CNTNAP5: variants seen among roughly 807,000 people sequenced by gnomAD.
CNTNAP5 encodes contactin associated protein family member 5, also known as contactin-associated protein-like 5.
In CNTNAP5, 72 loss-of-function variants were observed where a neutral mutation model predicts 150.2. That is an observed-to-expected ratio of 0.48 (90% confidence interval 0.40 to 0.58). The LOEUF is 0.58. Ranked by LOEUF, CNTNAP5 falls within the 20% of genes least tolerant of loss-of-function variation. CNTNAP5 has a pLI of 0.00. For synonymous variants in CNTNAP5, 672 were observed against 619.8 expected, an observed-to-expected ratio of 1.08 and a Z score of -1.25; for missense variants, 1,636 against 1,626.2, an observed-to-expected ratio of 1.01 and a Z score of -0.10.
At chr2:124,031,140 T>C (rs199585078) in intron 1 of CNTNAP5, among the ~76,000 whole-genome samples, 4 of 150,226 alleles carry the variant, frequency 2.7e-5, no homozygotes, top group Non-Finnish European at 4.5e-5. Context: ...CCGCTATACA[T>C]ACACACACAC....
chr2:124,214,630 G>A (rs75836081), intron 1 of CNTNAP5, among the ~76,000 whole-genome samples: 1,933 of 152,332 alleles, frequency 0.013, 33 homozygotes, highest in Middle Eastern at 0.031. Context: ...CACATTACTA[G>A]TGCAGGCAGA....
intron 3 of CNTNAP5, among the ~76,000 whole-genome samples, chr2:124,270,790 C>T (rs1232092418): frequency 6.6e-6 from 1 of 152,056 alleles, no homozygotes; most frequent in African/African-American, 2.4e-5. Context: ...AATCACATTC[C>T]AAAATACATG....
At chr2:124,411,180 G>C (rs372931326) in intron 3 of CNTNAP5, among the ~76,000 whole-genome samples, 1 of 152,280 alleles carries the variant, frequency 6.6e-6, no homozygotes, top group Non-Finnish European at 1.5e-5. Context: ...TCTAAACCAG[G>C]AAGAAGTTGA....
chr2:124,596,996 A>C, intron 11 of CNTNAP5, among the ~76,000 whole-genome samples: 1 of 18,130 alleles, frequency 5.5e-5, no homozygotes, highest in Non-Finnish European at 5.1e-3. Context: ...TGCTTGGTAG[A>C]TCTTCCTCCA....
chr2:124,255,623 A>T (rs779997), intron 3 of CNTNAP5, among the ~76,000 whole-genome samples: 49,488 of 149,954 alleles, frequency 0.33, 8,745 homozygotes, highest in Admixed American at 0.41. Context: ...AGCAATGGGA[A>T]TAAGGGATCA....
At chr2:124,254,655 A>G (rs1687264608) in intron 3 of CNTNAP5, among the ~76,000 whole-genome samples, 1 of 152,206 alleles carries the variant, frequency 6.6e-6, no homozygotes, top group African/African-American at 2.4e-5. Context: ...TCATTTGAGC[A>G]TGGCTTTAGA....
chr2:124,176,245 G>A (rs557168818), intron 1 of CNTNAP5, among the ~76,000 whole-genome samples: 1 of 152,304 alleles, frequency 6.6e-6, no homozygotes, highest in South Asian at 2.1e-4. Flanking sequence ...AGTAAGAGGA[G>A]ACAATACCAC....
intron 3 of CNTNAP5, among the ~76,000 whole-genome samples, chr2:124,321,488 G>C (rs1689098591): frequency 6.6e-6 from 1 of 151,406 alleles, no homozygotes; most frequent in Non-Finnish European, 1.5e-5. Flanking sequence ...AAAAGGATTA[G>C]AATTTCTTTT....
chr2:124,739,479 T>A (rs1486386869), intron 13 of CNTNAP5, among the ~76,000 whole-genome samples: 1 of 152,182 alleles, frequency 6.6e-6, no homozygotes, highest in South Asian at 2.1e-4. Context: ...ATGGTGTGTG[T>A]TTTGTTCATA....
chr2:124,609,003 T>C (rs1368966100), intron 11 of CNTNAP5, among the ~76,000 whole-genome samples: 1 of 151,868 alleles, frequency 6.6e-6, no homozygotes, highest in African/African-American at 2.4e-5. Context: ...ATGTAAGCAG[T>C]AATTTTTTTA....
intron 13 of CNTNAP5, among the ~76,000 whole-genome samples, chr2:124,716,641 A>G (rs1679950906): frequency 6.6e-6 from 1 of 152,160 alleles, no homozygotes; most frequent in Non-Finnish European, 1.5e-5. Flanking sequence ...CTTAACAACA[A>G]CCAAACACCT....
rs192925907 is a variant in CNTNAP5, at chr2:124,182,214, G to A, written c.83-39491G>A. Among the ~76,000 whole-genome samples, 60 of 152,126 alleles carry A rather than the reference G, an allele frequency of 3.9e-4. No homozygotes were observed. In the South Asian group the frequency reaches 0.011, roughly 27 times the overall value. On this transcript the variant is annotated intron_variant, in intron 1 of 23. Coordinates refer to ENST00000682447, the MANE Select transcript of CNTNAP5 (RefSeq NM_001367498.1). ...GTGACAGAAAACTATATATGTGTCC[G>A]TTCCTTATTTATCCTTCATATGAAT...
intron 11 of CNTNAP5, among the ~76,000 whole-genome samples, chr2:124,587,133 A>C (rs1206263612): frequency 1.3e-5 from 2 of 152,184 alleles, no homozygotes; most frequent in Non-Finnish European, 2.9e-5. Flanking sequence ...CTCAAGTTGT[A>C]ACTATAGTAT....
At chr2:124,869,406 G>A (rs940322012) in intron 20 of CNTNAP5, among the ~76,000 whole-genome samples, 1 of 152,068 alleles carries the variant, frequency 6.6e-6, no homozygotes, top group Non-Finnish European at 1.5e-5. Context: ...AATCTCTGTG[G>A]GGAGATAAAT....
intron 3 of CNTNAP5, among the ~76,000 whole-genome samples, chr2:124,339,948 A>T (rs1412387230): frequency 2.0e-5 from 3 of 149,528 alleles, no homozygotes; most frequent in South Asian, 2.1e-4. Context: ...AAAACATCTT[A>T]AAAAAAAAAC....
chr2:124,504,985 C>T (rs1195268094), intron 8 of CNTNAP5, among the ~76,000 whole-genome samples: 2 of 152,096 alleles, frequency 1.3e-5, no homozygotes, highest in Admixed American at 1.3e-4. Context: ...GGATTACAGG[C>T]CTGAGCCACT....
intron 11 of CNTNAP5, among the ~76,000 whole-genome samples, chr2:124,563,863 G>T (rs1695949177): frequency 6.6e-6 from 1 of 152,226 alleles, no homozygotes; most frequent in Non-Finnish European, 1.5e-5. Flanking sequence ...ACATGGGCTA[G>T]CTTTTCAAAG....
At chr2:124,656,730 T>G (rs1678465626) in intron 13 of CNTNAP5, among the ~76,000 whole-genome samples, 1 of 152,180 alleles carries the variant, frequency 6.6e-6, no homozygotes, top group Admixed American at 6.6e-5. Context: ...GAATCAACAC[T>G]CAGACACTAC....
At chr2:124,470,899 G>A (rs1255310335) in intron 6 of CNTNAP5, among the ~76,000 whole-genome samples, 1 of 151,676 alleles carries the variant, frequency 6.6e-6, no homozygotes, top group Non-Finnish European at 1.5e-5. Context: ...CTTACTTCTG[G>A]ACTCTCTATT....
Sources: gnomAD v4.1 joint callset for allele counts (sites outside exome capture counted in the v4.1 genomes callset) on GRCh38, gnomAD v4.1.1 for gene constraint, MANE v1.5 for transcripts, NCBI Gene and HGNC (gene_info 2026-07-23, HGNC 2026-07-21) for gene names.